The following AGAP1 variants were observed in gnomAD, a reference collection of about 807,000 sequenced individuals.
AGAP1 encodes ArfGAP with GTPase domain, ankyrin repeat and PH domain 1, also known as arf-GAP with GTPase, ANK repeat and PH domain-containing protein 1.
In AGAP1, 29 loss-of-function variants were observed where a neutral mutation model predicts 105.3. The observed-to-expected ratio is 0.28, with a 90% confidence interval of 0.21 to 0.38. The LOEUF is 0.38. Ranked by LOEUF, AGAP1 falls within the 10% of genes least tolerant of loss-of-function variation. The pLI is 1.00. For missense variants in AGAP1, 998 were observed against 1,165.1 expected (o/e 0.86, Z 2.09); for synonymous variants, 509 against 485.9 (o/e 1.05, Z -0.63).
At chr2:235,730,933 G>A (rs185581815) in intron 3 of AGAP1, among the ~76,000 whole-genome samples, 6 of 152,134 alleles carry the variant, frequency 3.9e-5, no homozygotes, top group Admixed American at 2.0e-4. Flanking sequence ...CGTTTTCTCC[G>A]AGAGGTGCAT....
At chr2:236,033,220 G>A (rs2057279729) in intron 13 of AGAP1, among the ~76,000 whole-genome samples, 1 of 152,138 alleles carries the variant, frequency 6.6e-6, no homozygotes, top group Non-Finnish European at 1.5e-5. Context: ...ACTCCAGCCT[G>A]GACGACAGGA....
chr2:235,869,880 A>C (rs1264779135), intron 9 of AGAP1, among the ~76,000 whole-genome samples: 2 of 152,198 alleles, frequency 1.3e-5, no homozygotes, highest in Non-Finnish European at 2.9e-5. Context: ...TGGTCTCCCC[A>C]GTAGGATAGT....
chr2:235,521,965 T>G (rs1294848790), intron 1 of AGAP1, among the ~76,000 whole-genome samples: 6 of 152,188 alleles, frequency 3.9e-5, no homozygotes, highest in Admixed American at 2.0e-4. Flanking sequence ...TATACGTGAG[T>G]GCCTCTTTCC....
chr2:235,975,340 G>A (rs962366302), intron 13 of AGAP1, among the ~76,000 whole-genome samples: 13 of 152,162 alleles, frequency 8.5e-5, no homozygotes, highest in South Asian at 6.2e-4. Context: ...ATATCGTACA[G>A]TGTTGTTTTT....
At position 235,709,353 on chromosome 2, in the gene AGAP1, C is replaced by G. The variant is rs1308501575; in HGVS notation, c.222+116C>G. 2.5e-6 allele frequency: 3 copies of G among 1,224,048 alleles called. No homozygotes were observed. In the African/African-American group the frequency reaches 4.5e-5, roughly 18 times the overall value. The allele number at this position is 1,224,048 out of a possible 1,614,324, so 75.8% of individuals were successfully genotyped here. ...TGGGGCCCAGAGTGGAAGTGTGACT[C>G]TGGGTGTGTTCCTGGGAAGGGCCAG... On this transcript the variant is annotated intron_variant, in intron 2 of 17. Coordinates refer to ENST00000304032, the MANE Select transcript of AGAP1 (RefSeq NM_001037131.3).
chr2:235,717,239 C>T (rs182315257), intron 2 of AGAP1, among the ~76,000 whole-genome samples: 3 of 152,308 alleles, frequency 2.0e-5, no homozygotes, highest in African/African-American at 4.8e-5. Flanking sequence ...CAGTAGATGC[C>T]GGCGGGCTAA....
At chr2:235,602,475 C>T (rs1945762185) in intron 1 of AGAP1, among the ~76,000 whole-genome samples, 1 of 152,220 alleles carries the variant, frequency 6.6e-6, no homozygotes, top group African/African-American at 2.4e-5. Context: ...TCCCTCCGCT[C>T]CAGCCACACT....
rs746468184 is a variant in AGAP1 at position 235,559,753 on chromosome 2, A to T, written c.163+64904A>T. Among the ~76,000 whole-genome samples the T allele has an allele frequency of 6.6e-6, 1 of 150,530 alleles. No homozygotes were observed. The highest frequency in any genetic ancestry group is 2.4e-5 in the African/African-American group (1 of 41,032). On this transcript the variant is annotated intron_variant, in intron 1 of 17. Transcript: ENST00000304032. The surrounding 1 kb of genome is among the most constrained non-coding windows in gnomAD (Gnocchi z 5.7). ...TAATGGTGTTGACCTTTTTTTTTTTAAATATGCTTATCTTAAAGCATATTT... is the reference window on the plus strand; with the variant it reads ...TAATGGTGTTGACCTTTTTTTTTTTTAATATGCTTATCTTAAAGCATATTT...
At chr2:235,832,266 C>G (rs987966812) in intron 9 of AGAP1, among the ~76,000 whole-genome samples, 12 of 152,246 alleles carry the variant, frequency 7.9e-5, no homozygotes, top group African/African-American at 2.4e-4. Flanking sequence ...CTTGTCTTCT[C>G]GTTTTCTTGA....
At chr2:235,765,771 G>A (rs1406335276) in intron 6 of AGAP1, among the ~76,000 whole-genome samples, 1 of 152,158 alleles carries the variant, frequency 6.6e-6, no homozygotes. Context: ...CTCATTCAAC[G>A]TTGTGAGTAA....
At chr2:235,869,545 G>A (rs2049339905) in intron 9 of AGAP1, among the ~76,000 whole-genome samples, 1 of 151,814 alleles carries the variant, frequency 6.6e-6, no homozygotes, top group African/African-American at 2.4e-5. Context: ...AGGTTGCAGT[G>A]AGCCAAGATC....
chr2:235,606,106 A>G (rs1945926657), intron 1 of AGAP1, among the ~76,000 whole-genome samples: 1 of 152,234 alleles, frequency 6.6e-6, no homozygotes, highest in Non-Finnish European at 1.5e-5. Flanking sequence ...TTGAATATTC[A>G]TGGTTCCCAA....
Position 236,119,350 on chromosome 2 carries a change from CCACTTAAGCCTTCCCCAA to C in AGAP1, c.2115-841_2115-824del, listed in dbSNP as rs1421320116. On this transcript the variant is annotated intron_variant, in intron 16 of 17. Transcript: ENST00000304032. This position sits in a 1 kb window ranked among gnomAD's most constrained non-coding sequence, Gnocchi z 6.6. The stretch of plus-strand genomic sequence containing the variant: ...AGCCATTCCTGACATTCTGTCCTTT[CCACTTAAGCCTTCCCCAA>C]GTATCTGGAGATTCCAAAAGCTGCA... 6.6e-6 allele frequency among the ~76,000 whole-genome samples: 1 copy of C among 152,158 alleles called. No homozygotes were observed.
In AGAP1 at chr2:235,596,313, A is replaced by G. The variant is rs997077142; in HGVS notation, c.163+101464A>G. On this transcript the variant is annotated intron_variant, in intron 1 of 17. Transcript: ENST00000304032. This position sits in a 1 kb window ranked among gnomAD's most constrained non-coding sequence, Gnocchi z 5.9. ...ACTGTCCAGATGCCTGTGGGGCACTACAGAGTTTTGAGGAAATAGAGTCTC... is the reference window on the plus strand; with the variant it reads ...ACTGTCCAGATGCCTGTGGGGCACTGCAGAGTTTTGAGGAAATAGAGTCTC... Among the ~76,000 whole-genome samples, 9 of 152,212 alleles carry G rather than the reference A, an allele frequency of 5.9e-5. No homozygotes were observed. Among genetic ancestry groups the G allele is most frequent in the Non-Finnish European group, 7.3e-5 (5 of 68,040 alleles).
At chr2:235,817,244 A>G (rs1391555925) in intron 9 of AGAP1, among the ~76,000 whole-genome samples, 1 of 151,998 alleles carries the variant, frequency 6.6e-6, no homozygotes, top group African/African-American at 2.4e-5. Context: ...ACTCTGTCCC[A>G]AGACTGTCGC....
chr2:235,938,664 A>G (rs764596121), intron 12 of AGAP1, among the ~76,000 whole-genome samples: 3 of 152,222 alleles, frequency 2.0e-5, no homozygotes, highest in Non-Finnish European at 4.4e-5. Flanking sequence ...TACATTCTGC[A>G]CTAAGAGGAC....
At chr2:235,815,784 T>TA (rs1958418742) in intron 9 of AGAP1, among the ~76,000 whole-genome samples, 1 of 152,220 alleles carries the variant, frequency 6.6e-6, no homozygotes, top group Non-Finnish European at 1.5e-5. Flanking sequence ...TAAGTTGTGG[T>TA]AAACTGTTGT....
At chr2:235,604,944 G>A (rs760509571) in intron 1 of AGAP1, among the ~76,000 whole-genome samples, 8 of 151,828 alleles carry the variant, frequency 5.3e-5, no homozygotes, top group Non-Finnish European at 8.8e-5. Flanking sequence ...GCAGTGGCGC[G>A]ATCCTGGCTC....
rs2049160300 is a variant in AGAP1 at position 235,866,138 on chromosome 2, C to T, written c.1051-17207C>T. 6.6e-6 allele frequency among the ~76,000 whole-genome samples: 1 copy of T among 152,244 alleles called. No individual in the cohort carries two copies. Among genetic ancestry groups the T allele is most frequent in the South Asian group, 2.1e-4 (1 of 4,814 alleles). On this transcript the variant is annotated intron_variant, in intron 9 of 17. Transcript: ENST00000304032. The surrounding 1 kb of genome is among the most constrained non-coding windows in gnomAD (Gnocchi z 6.1). ...GCTGTTTTAGTTAGGCAGCAGCATG[C>T]GATGCCCTGTGCGCATCTTTATTTT...
Sources: gnomAD v4.1 joint callset for allele counts (sites outside exome capture counted in the v4.1 genomes callset) on GRCh38, gnomAD v4.1.1 for gene constraint, Gnocchi (gnomAD v3.1) non-coding constraint, MANE v1.5 for transcripts, NCBI Gene and HGNC (gene_info 2026-07-23, HGNC 2026-07-21) for gene names.